Variants in GPR37L1 observed in about 807,000 individuals in gnomAD.
The protein encoded by GPR37L1 is G protein-coupled receptor 37 like 1, also known as G protein-coupled receptor 37-like 1.
A neutral mutation model predicts 18.0 loss-of-function variants in GPR37L1; 18 were observed. That is an observed-to-expected ratio of 1.00 (90% CI 0.69 to 1.49). The LOEUF (loss-of-function observed/expected upper bound fraction) is 1.49, where lower values mean the gene tolerates loss of function less well. Among genes scored for constraint, GPR37L1 ranks in the 40% most tolerant of loss-of-function variants. The probability of loss-of-function intolerance (pLI) is 0.00; values close to 1 mark genes in which losing one functional copy is unlikely to be tolerated. For synonymous variants in GPR37L1, 256 were observed against 273.9 expected (o/e 0.93, Z 0.65); for missense variants, 558 against 615.1 (o/e 0.91, Z 0.98).
chr1:202,126,833 A>ACATG (rs1553315404), intron 1 of GPR37L1, among the ~76,000 whole-genome samples: 4,455 of 81,168 alleles, frequency 0.055, 224 homozygotes, highest in African/African-American at 0.14. Flanking sequence ...AGGAGCAGAA[A>ACATG]CGTGCGTGTG....
In GPR37L1 at chr1:202,128,656, T is replaced by A; in HGVS notation, c.*100T>A. On this transcript the variant is annotated 3_prime_UTR_variant, in exon 2 of 2. Coordinates refer to ENST00000367282, the MANE Select transcript of GPR37L1 (RefSeq NM_004767.5). ...TTGCTTTGTTGCCTGTCTTGCTGTC[T>A]AGGGATGGACTTGGTTCCTCTTGTC... 1 of 732,566 alleles carries A rather than the reference T, an allele frequency of 1.4e-6. No individual in the cohort carries two copies. Among genetic ancestry groups the A allele is most frequent in the Non-Finnish European group, 2.3e-6 (1 of 444,240 alleles). The allele number at this position is 732,566 out of a possible 1,614,324, so 45.4% of individuals were successfully genotyped here.
At position 202,122,932 on chromosome 1, in the gene GPR37L1, T is replaced by C; in HGVS notation, c.-32T>C. On this transcript the variant is annotated 5_prime_UTR_variant, in exon 1 of 2. Transcript: ENST00000367282. ...TGGGCCCCCTGCACTCACCTGCTCT[T>C]CCTGGGCTGGCTGTCTCCTGCTCAT... 1 of 1,610,644 alleles carries C rather than the reference T, an allele frequency of 6.2e-7. No individual in the cohort carries two copies. Among genetic ancestry groups the C allele is most frequent in the Non-Finnish European group, 8.5e-7 (1 of 1,179,548 alleles).
intron 1 of GPR37L1, among the ~76,000 whole-genome samples, chr1:202,127,220 C>T (rs1571712618): frequency 6.6e-6 from 1 of 152,104 alleles, no homozygotes; most frequent in African/African-American, 2.4e-5. Flanking sequence ...GTAAAGTGCC[C>T]GACCCATAGG....
rs1654833328 is a variant in GPR37L1, at chr1:202,130,910, T to TGCTGGTTG, written c.*2357_*2364dup. On this transcript the variant is annotated 3_prime_UTR_variant, in exon 2 of 2. Transcript: ENST00000367282. Reference sequence around the variant, plus strand: ...AAGGGTGCCCTCCACCTCTCCCTCCTGCTGGTTGGCCGGCTCAGAGATGAA... The same window carrying TGCTGGTTG: ...AAGGGTGCCCTCCACCTCTCCCTCCTGCTGGTTGGCTGGTTGGCCGGCTCAGAGATGAA... 2 of 152,324 alleles carry TGCTGGTTG rather than the reference T, an allele frequency of 1.3e-5. No homozygotes were observed. Among genetic ancestry groups the TGCTGGTTG allele is most frequent in the Non-Finnish European group, 2.9e-5 (2 of 68,124 alleles). The allele number at this position is 152,324 out of a possible 1,614,324, so 9.4% of individuals were successfully genotyped here. A position where few individuals can be genotyped will look rare whatever the true frequency, so the allele number is the denominator to read the frequency against.
rs1311743691 is a variant in GPR37L1, at chr1:202,127,775, G to T, written c.665G>T (p.Cys222Phe). ...CTGGGAGTCACGACTTTCAGCCTCT[G>T]TGCCCTGGGCATTGACCGCTTCCAC... ...SSLGVTTFSL[C>F]ALGIDRFHVA... The change falls in exon 2 of 2, where the codon TGT (cysteine) becomes TTT (phenylalanine). Residue 222 changes from cysteine (C) to phenylalanine (F), a missense_variant. Coordinates refer to ENST00000367282, the MANE Select transcript of GPR37L1 (RefSeq NM_004767.5). 5 of 1,596,054 alleles carry T rather than the reference G, an allele frequency of 3.1e-6. No homozygotes were observed. Among genetic ancestry groups the T allele is most frequent in the Non-Finnish European group, 4.3e-6 (5 of 1,169,458 alleles).
chr1:202,128,396 A>T lies in GPR37L1; in HGVS notation c.1286A>T (p.Asp429Val), dbSNP rs1558302634. The T allele has an allele frequency of 8.1e-6, 13 of 1,609,934 alleles. No homozygotes were observed. The highest frequency in any genetic ancestry group is 1.1e-5 in the Non-Finnish European group (13 of 1,177,040). The change falls in exon 2 of 2, where the codon GAC becomes GTC. Residue 429 changes from aspartate to valine, a missense_variant. Transcript: ENST00000367282. ...AGGCCGCTGGGCCAGGCCTTCCTGG[A>T]CTGCTGCTGCTGCTGCTGCTGTGAG... ...ICRPLGQAFL[D>V]CCCCCCCEEC...
At chr1:202,125,826 A>G (rs1055157336) in intron 1 of GPR37L1, among the ~76,000 whole-genome samples, 2 of 152,098 alleles carry the variant, frequency 1.3e-5, no homozygotes, top group Non-Finnish European at 2.9e-5. Context: ...GGTTCAAACA[A>G]TCCTCCCACC....
Position 202,127,279 on chromosome 1 carries a change from T to TTTCC in GPR37L1, c.631-438_631-435dup, listed in dbSNP as rs71141454. ...TACCATTATTATAATTCCTTCCTTCTTTCCTTCCTTCCTTCCTTCCTTCCT... is the reference window on the plus strand; with the variant it reads ...TACCATTATTATAATTCCTTCCTTCTTTCCTTCCTTCCTTCCTTCCTTCCTTCCT... On this transcript the variant is annotated intron_variant, in intron 1 of 1. Coordinates refer to ENST00000367282, the MANE Select transcript of GPR37L1 (RefSeq NM_004767.5). Among the ~76,000 whole-genome samples the TTTCC allele has an allele frequency of 3.9e-4, 55 of 142,646 alleles. 1 individual carries two copies. Among genetic ancestry groups the TTTCC allele is most frequent in the South Asian group, 6.7e-4 (3 of 4,502 alleles). The allele number at this position is 142,646 out of a possible 152,430, so 93.6% of individuals were successfully genotyped here. A position where few individuals can be genotyped will look rare whatever the true frequency, so the allele number is the denominator to read the frequency against.
In GPR37L1 at chr1:202,128,630, C is replaced by A; in HGVS notation, c.*74C>A. Reference sequence around the variant, plus strand: ...TGTCTGCTGTTCTTTCCCCATAGGTCTTGCTTTGTTGCCTGTCTTGCTGTC... The same window carrying A: ...TGTCTGCTGTTCTTTCCCCATAGGTATTGCTTTGTTGCCTGTCTTGCTGTC... On this transcript the variant is annotated 3_prime_UTR_variant, in exon 2 of 2. Transcript: ENST00000367282. 1.1e-6 allele frequency: 1 copy of A among 927,968 alleles called. No individual in the cohort carries two copies. The highest frequency in any genetic ancestry group is 1.6e-6 in the Non-Finnish European group (1 of 616,792). The allele number at this position is 927,968 out of a possible 1,614,324, so 57.5% of individuals were successfully genotyped here. A position where few individuals can be genotyped will look rare whatever the true frequency, so the allele number is the denominator to read the frequency against.
Position 202,127,988 on chromosome 1 carries a change from G to C in GPR37L1, c.878G>C (p.Ser293Thr). Reference protein sequence around the residue: ...LDSCIMKPSASLPESLYSLVM... With the variant: ...LDSCIMKPSATLPESLYSLVM... ...TCATGCATCATGAAACCCTCAGCCA[G>C]CCTGCCCGAGTCCCTGTATTCACTG... The change falls in exon 2 of 2, where the codon AGC becomes ACC. Residue 293 changes from serine (S) to threonine (T), a missense_variant. Coordinates refer to ENST00000367282, the MANE Select transcript of GPR37L1 (RefSeq NM_004767.5). 2 of 1,614,104 alleles carry C rather than the reference G, an allele frequency of 1.2e-6. No homozygotes were observed. The highest frequency in any genetic ancestry group is 1.7e-6 in the Non-Finnish European group (2 of 1,180,016).
chr1:202,126,325 T>C (rs893943214), intron 1 of GPR37L1, among the ~76,000 whole-genome samples: 28 of 152,050 alleles, frequency 1.8e-4, no homozygotes, highest in African/African-American at 6.0e-4. Context: ...GGAGAATCAC[T>C]TGAACCCGGG....
In GPR37L1 at chr1:202,127,910, T is replaced by C. The variant is rs914510410; in HGVS notation, c.800T>C (p.Leu267Pro). The change falls in exon 2 of 2, where the codon CTC becomes CCC. Residue 267 changes from leucine to proline, a missense_variant. Physicochemically the swap from Leu to Pro is moderately conservative, Grantham distance 98. Coordinates refer to ENST00000367282, the MANE Select transcript of GPR37L1 (RefSeq NM_004767.5). ...TCCATGACGCTGGCTGTGCCTGAGCTCCTGCTGTGGCAGCTGGCACAGGAG... is the reference window on the plus strand; with the variant it reads ...TCCATGACGCTGGCTGTGCCTGAGCCCCTGCTGTGGCAGCTGGCACAGGAG... ...VGSMTLAVPELLLWQLAQEPA... is the reference protein window; with the variant it reads ...VGSMTLAVPEPLLWQLAQEPA... The C allele has an allele frequency of 2.5e-6, 4 of 1,613,804 alleles. No individual in the cohort carries two copies. The highest frequency in any genetic ancestry group is 3.4e-6 in the Non-Finnish European group (4 of 1,179,980).
chr1:202,128,291 T>C lies in GPR37L1; in HGVS notation c.1181T>C (p.Leu394Pro), dbSNP rs1302249943. Residue 394 changes from leucine (L) to proline (P), a missense_variant, in exon 2 of 2, where the codon CTG becomes CCG. Coordinates refer to ENST00000367282, the MANE Select transcript of GPR37L1 (RefSeq NM_004767.5). ...YLSTELTRQT[L>P]DLLGLINQFS... Reference sequence around the variant, plus strand: ...TCCACCGAGCTGACCCGCCAGACCCTGGACCTCCTGGGCCTCATCAACCAG... The same window carrying C: ...TCCACCGAGCTGACCCGCCAGACCCCGGACCTCCTGGGCCTCATCAACCAG... 1.2e-6 allele frequency: 2 copies of C among 1,614,020 alleles called. No individual in the cohort carries two copies. The highest frequency in any genetic ancestry group is 1.3e-5 in the African/African-American group (1 of 74,926).
At chr1:202,124,701 A>G (rs1293009041) in intron 1 of GPR37L1, among the ~76,000 whole-genome samples, 1 of 152,212 alleles carries the variant, frequency 6.6e-6, no homozygotes, top group Admixed American at 6.5e-5. Context: ...GCTCAGGATC[A>G]GCATTACGGA....
At chr1:202,127,606 G>T in intron 1 of GPR37L1, 135 bp from the exon 2 acceptor site, 1 of 653,252 alleles carries the variant, frequency 1.5e-6, no homozygotes, top group Non-Finnish European at 2.6e-6. Flanking sequence ...GTGAGTCACC[G>T]CACCCGGCCC....
At position 202,123,426 on chromosome 1, in the gene GPR37L1, G is replaced by A. The variant is rs778513085; in HGVS notation, c.463G>A (p.Val155Met). The change falls in exon 1 of 2, where the codon GTG (valine) becomes ATG (methionine). Residue 155 changes from valine to methionine, a missense_variant. By Grantham distance (21) the Val-to-Met change is conservative. Transcript: ENST00000367282. ...GGGCAACCTGTCGGTCATGTGCATC[G>A]TGTGGCACAGCTACTACCTGAAGAG... ...IVGNLSVMCI[V>M]WHSYYLKSAW... 6.8e-6 allele frequency: 11 copies of A among 1,614,022 alleles called. No individual in the cohort carries two copies. Among genetic ancestry groups the A allele is most frequent in the East Asian group, 2.2e-5 (1 of 44,870 alleles).
Position 202,123,089 on chromosome 1 carries a change from C to G in GPR37L1, c.126C>G (p.Ser42Arg), listed in dbSNP as rs750453293. The part of the protein sequence containing the change: ...RHRAETQEQQ[S>R]RSKRGTEDEE... Reference sequence around the variant, plus strand: ...GAGCCGAGACCCAGGAGCAGCAGAGCCGATCCAAGAGGGGCACCGAGGATG... The same window carrying G: ...GAGCCGAGACCCAGGAGCAGCAGAGGCGATCCAAGAGGGGCACCGAGGATG... Residue 42 changes from serine (S) to arginine (R), a missense_variant, in exon 1 of 2, where the codon AGC (serine) becomes AGG (arginine). Physicochemically the swap from Ser to Arg is moderately radical, Grantham distance 110. Coordinates refer to ENST00000367282, the MANE Select transcript of GPR37L1 (RefSeq NM_004767.5). 3 of 1,613,674 alleles carry G rather than the reference C, an allele frequency of 1.9e-6. No homozygotes were observed. In the Admixed American group the frequency reaches 5.0e-5, roughly 27 times the overall value.
chr1:202,123,356 T>C lies in GPR37L1; in HGVS notation c.393T>C (p.Tyr131=). The C allele has an allele frequency of 6.2e-7, 1 of 1,614,210 alleles. No individual in the cohort carries two copies. The highest frequency in any genetic ancestry group is 8.5e-7 in the Non-Finnish European group (1 of 1,180,042). The part of the protein sequence containing the change: ...YPVTESSYSA[Y]AIMLLALVVF... ...TGACCGAGAGCTCCTACAGTGCCTA[T>C]GCCATCATGCTTCTGGCGCTGGTGG... is the stretch of plus-strand genomic sequence containing the variant. Residue 131 remains tyrosine (Y), a synonymous_variant, in exon 1 of 2, where the codon TAT becomes TAC. Coordinates refer to ENST00000367282, the MANE Select transcript of GPR37L1 (RefSeq NM_004767.5).
At chr1:202,125,860 C>T (rs1212924042) in intron 1 of GPR37L1, among the ~76,000 whole-genome samples, 3 of 152,102 alleles carry the variant, frequency 2.0e-5, no homozygotes, top group Non-Finnish European at 4.4e-5. Flanking sequence ...TAGCTGGTAC[C>T]GCAGGCGTGT....
Sources: gnomAD v4.1 joint callset for allele counts (sites outside exome capture counted in the v4.1 genomes callset) on GRCh38, gnomAD v4.1.1 for gene constraint, MANE v1.5 for transcripts, NCBI Gene and HGNC (gene_info 2026-07-23, HGNC 2026-07-21) for gene names.